The following FHOD3 variants were observed in gnomAD, a reference collection of about 807,000 sequenced individuals.
FHOD3 encodes the protein FH1/FH2 domain-containing protein 3.
Under a neutral mutation model 173.0 loss-of-function variants are expected in FHOD3, and 90 were observed. The ratio of observed to expected loss-of-function variants is 0.52; its 90% confidence interval spans 0.44 to 0.62. FHOD3 has a LOEUF of 0.62. Ranked by LOEUF, FHOD3 falls within the 20% of genes least tolerant of loss-of-function variation. The pLI, the probability that FHOD3 is intolerant of heterozygous loss-of-function variation, is 0.00. For missense variants in FHOD3, 1,945 were observed against 2,034.7 expected, an observed-to-expected ratio of 0.96 and a Z score of 0.85; for synonymous variants, 828 against 823.0, an observed-to-expected ratio of 1.01 and a Z score of -0.10.
intron 19 of FHOD3, among the ~76,000 whole-genome samples, chr18:36,726,185 AATTAG>A (rs2041057754): frequency 6.6e-6 from 1 of 151,202 alleles, no homozygotes; most frequent in Admixed American, 6.6e-5. Context: ...AAATATATAT[AATTAG>A]ATAAGAGATA....
chr18:36,488,782 G>T (rs1482773753), intron 3 of FHOD3, among the ~76,000 whole-genome samples: 2 of 152,214 alleles, frequency 1.3e-5, no homozygotes, highest in African/African-American at 2.4e-5. Flanking sequence ...TATGGATTTA[G>T]GAGTCTGGAT....
chr18:36,764,593 A>T (rs1209254726), intron 27 of FHOD3, among the ~76,000 whole-genome samples: 1 of 152,156 alleles, frequency 6.6e-6, no homozygotes, highest in African/African-American at 2.4e-5. Context: ...GTAATAGAAC[A>T]TAAATAGGTT....
chr18:36,315,786 G>A (rs57786002), intron 1 of FHOD3, among the ~76,000 whole-genome samples: 2 of 152,228 alleles, frequency 1.3e-5, no homozygotes, highest in East Asian at 1.9e-4. Flanking sequence ...CAGCAGTGCC[G>A]AGTACTCAAG....
intron 3 of FHOD3, among the ~76,000 whole-genome samples, chr18:36,389,860 T>G (rs1457314933): frequency 6.6e-6 from 1 of 152,102 alleles, no homozygotes; most frequent in African/African-American, 2.4e-5. Flanking sequence ...GCTCAGCCCT[T>G]CCTTTTTCAA....
intron 14 of FHOD3, among the ~76,000 whole-genome samples, chr18:36,664,189 T>G (rs891696692): frequency 3.9e-5 from 6 of 152,206 alleles, no homozygotes; most frequent in Non-Finnish European, 8.8e-5. Flanking sequence ...AAAAACAAAC[T>G]TCTCTGAGAA....
chr18:36,431,356 G>T (rs2050539824), intron 3 of FHOD3, among the ~76,000 whole-genome samples: 1 of 152,220 alleles, frequency 6.6e-6, no homozygotes, highest in African/African-American at 2.4e-5. Context: ...TGGAAAGGAT[G>T]CAGGAGGAAA....
Position 36,486,119 on chromosome 18 carries a change from C to G in FHOD3, c.338-15813C>G, listed in dbSNP as rs544957112. ...ACTTAGCAGCTGGTAGTGAACACAA[C>G]AGAACTTCCTCCATTTTCCCATTGG... On this transcript the variant is annotated intron_variant, in intron 3 of 28. Coordinates refer to ENST00000590592, the MANE Select transcript of FHOD3 (RefSeq NM_001281740.3). Among the ~76,000 whole-genome samples the G allele has an allele frequency of 2.6e-5, 4 of 152,306 alleles. No homozygotes were observed. The East Asian group carries it at 7.7e-4, about 29-fold the overall frequency.
intron 19 of FHOD3, among the ~76,000 whole-genome samples, chr18:36,728,992 A>C (rs570260228): frequency 2.0e-5 from 3 of 152,310 alleles, no homozygotes; most frequent in African/African-American, 7.2e-5. Flanking sequence ...AGACAAAGCC[A>C]CTTCTTATCT....
At chr18:36,381,294 A>C (rs1218948908) in intron 3 of FHOD3, among the ~76,000 whole-genome samples, 1 of 152,202 alleles carries the variant, frequency 6.6e-6, no homozygotes, top group Non-Finnish European at 1.5e-5. Flanking sequence ...TCACCCTTAA[A>C]GAGCTGACTA....
chr18:36,307,253 C>T (rs1039201467), intron 1 of FHOD3, among the ~76,000 whole-genome samples: 73 of 152,274 alleles, frequency 4.8e-4, no homozygotes, highest in African/African-American at 1.7e-3. Flanking sequence ...TGAGCCACTG[C>T]GCCTGGCCTG....
chr18:36,538,884 A>G (rs893706360), intron 5 of FHOD3, among the ~76,000 whole-genome samples: 4 of 152,234 alleles, frequency 2.6e-5, no homozygotes, highest in Admixed American at 1.3e-4. Context: ...TGCATGTGAT[A>G]AAATGATATG....
intron 7 of FHOD3, among the ~76,000 whole-genome samples, chr18:36,596,939 G>A (rs1322666138): frequency 6.6e-6 from 1 of 152,198 alleles, no homozygotes; most frequent in African/African-American, 2.4e-5. Flanking sequence ...TATAAGGTCA[G>A]CAGTGTGTGT....
chr18:36,451,118 TTCTTC>T (rs1301206785), intron 3 of FHOD3, among the ~76,000 whole-genome samples: 4 of 152,248 alleles, frequency 2.6e-5, no homozygotes, highest in African/African-American at 9.6e-5. Context: ...TGACTTTTAT[TTCTTC>T]TCTTTACTCC....
In FHOD3 at chr18:36,653,347, C is replaced by T. The variant is rs1439243023; in HGVS notation, c.1652C>T (p.Ser551Phe). The T allele has an allele frequency of 6.5e-7, 1 of 1,534,604 alleles. No individual in the cohort carries two copies. Among genetic ancestry groups the T allele is most frequent in the Middle Eastern group, 1.7e-4 (1 of 5,984 alleles). The change falls in exon 13 of 29, where the codon TCT (serine) becomes TTT (phenylalanine). Residue 551 changes from serine (S) to phenylalanine (F), a missense_variant. Ser to Phe is a radical substitution (Grantham distance 155, BLOSUM62 -2). Coordinates refer to ENST00000590592, the MANE Select transcript of FHOD3 (RefSeq NM_001281740.3). ...EAESQKENSSSDSFSLSTYSA... is the reference protein window; with the variant it reads ...EAESQKENSSFDSFSLSTYSA... ...GGCTTTTCTTCCTTTGACAGTTCCT[C>T]TGATTCTTTCTCTTTGAGCACATAT...
chr18:36,751,541 T>C (rs2150160532), intron 24 of FHOD3, among the ~76,000 whole-genome samples: 1 of 152,344 alleles, frequency 6.6e-6, no homozygotes, highest in East Asian at 1.9e-4. Context: ...GGCATCCGTG[T>C]CTCCTGCTGG....
chr18:36,718,641 G>A lies in FHOD3; in HGVS notation c.3343G>A (p.Glu1115Lys), dbSNP rs1223336268. 3 of 1,614,112 alleles carry A rather than the reference G, an allele frequency of 1.9e-6. No homozygotes were observed. The highest frequency in any genetic ancestry group is 3.3e-5 in the Admixed American group (2 of 60,004). The change falls in exon 19 of 29, where the codon GAA (glutamate) becomes AAA (lysine). Residue 1115 changes from glutamate to lysine, a missense_variant. Glu to Lys is a moderately conservative substitution (Grantham distance 56). Transcript: ENST00000590592. The stretch of plus-strand genomic sequence containing the variant: ...CAGAGAATTCCTGTGGTCAAAACTG[G>A]AACCCATTAAGGTGGACACTTCCAG... The part of the protein sequence containing the change: ...RCREFLWSKL[E>K]PIKVDTSRLE...
chr18:36,376,935 G>A (rs1043955444), intron 3 of FHOD3, among the ~76,000 whole-genome samples: 5 of 152,242 alleles, frequency 3.3e-5, no homozygotes, highest in Non-Finnish European at 7.3e-5. Context: ...TCCCTGGGGC[G>A]CTGTGTTGAG....
At chr18:36,384,981 T>G (rs1263140810) in intron 3 of FHOD3, among the ~76,000 whole-genome samples, 2 of 151,856 alleles carry the variant, frequency 1.3e-5, no homozygotes, top group Non-Finnish European at 2.9e-5. Flanking sequence ...AAAATTTGAT[T>G]GTCCAGTTCC....
At chr18:36,654,955 A>G (rs1239109528) in intron 13 of FHOD3, among the ~76,000 whole-genome samples, 1 of 152,128 alleles carries the variant, frequency 6.6e-6, no homozygotes, top group Non-Finnish European at 1.5e-5. Flanking sequence ...AAAAGAGCAG[A>G]TATGGAACTT....
Sources: gnomAD v4.1 joint callset for allele counts (sites outside exome capture counted in the v4.1 genomes callset) on GRCh38, gnomAD v4.1.1 for gene constraint, MANE v1.5 for transcripts, NCBI Gene and HGNC (gene_info 2026-07-23, HGNC 2026-07-21) for gene names.